Variants in SLC7A1 observed in about 807,000 individuals in gnomAD.
SLC7A1 encodes the protein high affinity cationic amino acid transporter 1.
Under a neutral mutation model 53.9 loss-of-function variants are expected in SLC7A1, and 10 were observed. That is an observed-to-expected ratio of 0.19 (90% CI 0.11 to 0.31). The LOEUF (loss-of-function observed/expected upper bound fraction) is 0.31, where lower values mean the gene tolerates loss of function less well. Ranked by LOEUF, SLC7A1 falls within the 10% of genes least tolerant of loss-of-function variation. The pLI is 1.00. For synonymous variants in SLC7A1, 342 were observed against 338.7 expected, an observed-to-expected ratio of 1.01 and a Z score of -0.11; for missense variants, 525 against 827.2, an observed-to-expected ratio of 0.63 and a Z score of 4.48.
chr13:29,582,336 G>C (rs1303396330), intron 1 of SLC7A1, among the ~76,000 whole-genome samples: 2 of 152,240 alleles, frequency 1.3e-5, no homozygotes, highest in African/African-American at 4.8e-5. Flanking sequence ...CCTATCTGCA[G>C]ACGGCTGTAA....
chr13:29,530,796 G>T, intron 4 of SLC7A1, 84 bp from the exon 5 acceptor site: 1 of 1,125,838 alleles, frequency 8.9e-7, no homozygotes, highest in Non-Finnish European at 1.3e-6. Context: ...ATAAGAAGGC[G>T]ACTGAAAAAG....
intron 1 of SLC7A1, among the ~76,000 whole-genome samples, chr13:29,576,581 C>T (rs1037181402): frequency 6.6e-6 from 1 of 152,174 alleles, no homozygotes; most frequent in African/African-American, 2.4e-5. Context: ...GGGGACAGGA[C>T]AGGATGTCTG....
chr13:29,555,352 C>T lies in SLC7A1; in HGVS notation c.-114-1492G>A, dbSNP rs1285265963. Among the ~76,000 whole-genome samples, 6 of 12,022 alleles carry T rather than the reference C, an allele frequency of 5.0e-4. No individual in the cohort carries two copies. The South Asian group carries it at 0.013, about 26-fold the overall frequency. 7.9% of individuals were successfully genotyped at this position (12,022 alleles called of 152,430 possible). A position where few individuals can be genotyped will look rare whatever the true frequency, so the allele number is the denominator to read the frequency against. On this transcript the variant is annotated intron_variant, in intron 1 of 12. Transcript: ENST00000380752. ...CAGCCTGGGCGACAGAGCGAGACTC[C>T]GTCTCAAAAAAAAAAAAAAAAAAAA...
rs1883482933 is a variant in SLC7A1 at position 29,514,157 on chromosome 13, C to T, written c.*323G>A. 3.0e-6 allele frequency: 1 copy of T among 335,416 alleles called. No homozygotes were observed. The highest frequency in any genetic ancestry group is 5.6e-6 in the Non-Finnish European group (1 of 179,224). 20.8% of individuals were successfully genotyped at this position (335,416 alleles called of 1,614,324 possible). A position where few individuals can be genotyped will look rare whatever the true frequency, so the allele number is the denominator to read the frequency against. ...CCAAGATAAGGAGAGAAGGTGACCT[C>T]CGTTCTGCCTGAGGCTGCGGCAGCT... On this transcript the variant is annotated 3_prime_UTR_variant, in exon 13 of 13. Transcript: ENST00000380752.
chr13:29,593,033 G>A (rs1566281048), intron 1 of SLC7A1, among the ~76,000 whole-genome samples: 2 of 152,132 alleles, frequency 1.3e-5, no homozygotes, highest in Non-Finnish European at 2.9e-5. Context: ...CTAGGTGAAG[G>A]GGAAGGAGGC....
intron 1 of SLC7A1, among the ~76,000 whole-genome samples, chr13:29,584,319 G>T (rs556536509): frequency 6.6e-6 from 1 of 152,180 alleles, no homozygotes; most frequent in African/African-American, 2.4e-5. Context: ...CTAATTTTTT[G>T]TATTTTTAGT....
chr13:29,590,785 A>C (rs540684284), intron 1 of SLC7A1, among the ~76,000 whole-genome samples: 2 of 152,218 alleles, frequency 1.3e-5, no homozygotes, highest in East Asian at 3.9e-4. Flanking sequence ...AAAATGAGAG[A>C]GCGAAATTAA....
In SLC7A1 at chr13:29,516,166, C is replaced by A. The variant is rs1374021558; in HGVS notation, c.1758G>T (p.Trp586Cys). The A allele has an allele frequency of 2.5e-6, 4 of 1,613,342 alleles. No homozygotes were observed. The highest frequency in any genetic ancestry group is 3.4e-6 in the Non-Finnish European group (4 of 1,179,496). Reference protein sequence around the residue: ...YLMMQLDQGTWVRFAVWMLIG... With the variant: ...YLMMQLDQGTCVRFAVWMLIG... Reference sequence around the variant, plus strand: ...TCAGCATCCACACAGCAAACCGGACCCAGGTGCCCTGGTCCAGCTGCATCA... The same window carrying A: ...TCAGCATCCACACAGCAAACCGGACACAGGTGCCCTGGTCCAGCTGCATCA... The change falls in exon 12 of 13, where the codon TGG becomes TGT. Residue 586 changes from tryptophan (W) to cysteine (C), a missense_variant. Around this residue, in one of 4 missense-constraint regions of SLC7A1, gnomAD observed 41 missense variants for 61.3 expected, o/e 0.67. Transcript: ENST00000380752.
chr13:29,522,243 C>CGCAAGACGTCTCCCTA, intron 8 of SLC7A1, 74 bp downstream of exon 8: 4 of 1,474,968 alleles, frequency 2.7e-6, no homozygotes, highest in Non-Finnish European at 3.8e-6. Flanking sequence ...ACCAGAACTG[C>CGCAAGACGTCTCCCTA]GCAAGACGTC....
intron 11 of SLC7A1, 89 bp downstream of exon 11, chr13:29,517,055 G>A: frequency 5.3e-6 from 7 of 1,316,498 alleles, no homozygotes; most frequent in Non-Finnish European, 7.2e-6. Context: ...GGAGCACCCA[G>A]GCCCGGCTGA....
At chr13:29,517,057 C>T (rs998509793) in intron 11 of SLC7A1, 87 bp downstream of exon 11, 3 of 1,339,520 alleles carry the variant, frequency 2.2e-6, no homozygotes, top group East Asian at 5.0e-5. Flanking sequence ...AGCACCCAGG[C>T]CCGGCTGAGC....
chr13:29,514,347 T>C lies in SLC7A1; in HGVS notation c.*133A>G, dbSNP rs959197126. 4 of 646,858 alleles carry C rather than the reference T, an allele frequency of 6.2e-6. No homozygotes were observed. Among genetic ancestry groups the C allele is most frequent in the Non-Finnish European group, 1.1e-5 (4 of 365,900 alleles). The allele number at this position is 646,858 out of a possible 1,614,324, so 40.1% of individuals were successfully genotyped here. ...TGGGCTGGGGCTGCAGGTCAAGTAATTGCACCTTTGGCTGCAGTGAGGGTG... is the reference window on the plus strand; with the variant it reads ...TGGGCTGGGGCTGCAGGTCAAGTAACTGCACCTTTGGCTGCAGTGAGGGTG... On this transcript the variant is annotated 3_prime_UTR_variant, in exon 13 of 13. Coordinates refer to ENST00000380752, the MANE Select transcript of SLC7A1 (RefSeq NM_003045.5).
rs563736947 is a variant in SLC7A1 at position 29,569,717 on chromosome 13, A to G, written c.-114-15857T>C. Among the ~76,000 whole-genome samples the G allele has an allele frequency of 1.6e-4, 24 of 152,354 alleles. No homozygotes were observed. The South Asian group carries it at 4.1e-3, about 26-fold the overall frequency. ...TTAAAAAATTCTTCAATGTAATGCA[A>G]TAACATCTGAGCAGCTGGTATGCAG... On this transcript the variant is annotated intron_variant, in intron 1 of 12. Transcript: ENST00000380752.
chr13:29,524,643 A>T (rs546778550), intron 5 of SLC7A1, among the ~76,000 whole-genome samples: 8 of 152,236 alleles, frequency 5.3e-5, no homozygotes, highest in Non-Finnish European at 1.2e-4. Context: ...AGCCAGTCCT[A>T]CCCCGGGTCC....
intron 1 of SLC7A1, among the ~76,000 whole-genome samples, chr13:29,569,178 C>T (rs1258206874): frequency 2.6e-5 from 4 of 152,148 alleles, no homozygotes; most frequent in Non-Finnish European, 4.4e-5. Flanking sequence ...CGAGGCCCAC[C>T]TGTATGCATC....
intron 1 of SLC7A1, among the ~76,000 whole-genome samples, chr13:29,577,649 C>T (rs1434009982): frequency 6.6e-6 from 1 of 152,218 alleles, no homozygotes; most frequent in Non-Finnish European, 1.5e-5. Context: ...CTCTGACGGG[C>T]CTCTTGGCCA....
chr13:29,532,023 C>G (rs544760160), intron 4 of SLC7A1, among the ~76,000 whole-genome samples: 2 of 152,180 alleles, frequency 1.3e-5, no homozygotes, highest in Non-Finnish European at 2.9e-5. Context: ...TGCAGACTTA[C>G]TTTCTGATGC....
chr13:29,543,050 T>A (rs1398288176), intron 2 of SLC7A1, among the ~76,000 whole-genome samples: 1 of 152,218 alleles, frequency 6.6e-6, no homozygotes, highest in Non-Finnish European at 1.5e-5. Context: ...TGCAAAGCAC[T>A]GTGACAACTG....
At chr13:29,529,568 T>A (rs1009918048) in intron 5 of SLC7A1, among the ~76,000 whole-genome samples, 15 of 152,166 alleles carry the variant, frequency 9.9e-5, no homozygotes, top group African/African-American at 3.6e-4. Flanking sequence ...ACCAGGCAGA[T>A]GAGGACAATG....
Sources: allele counts gnomAD v4.1 joint callset (sites outside exome capture counted in the v4.1 genomes callset), GRCh38; gene constraint gnomAD v4.1.1; regional missense constraint gnomAD v4.1.1; transcripts MANE v1.5; gene names NCBI Gene and HGNC (gene_info 2026-07-23, HGNC 2026-07-21).